ORC5: variants seen among roughly 807,000 people sequenced by gnomAD.
ORC5 encodes protein phosphatase 1, regulatory subunit 117.
In ORC5, 39 loss-of-function variants were observed where a neutral mutation model predicts 58.8. That is an observed-to-expected ratio of 0.66 (90% confidence interval 0.51 to 0.87). The LOEUF (loss-of-function observed/expected upper bound fraction) is 0.87, where lower values mean the gene tolerates loss of function less well. Among genes scored for constraint, ORC5 ranks in the 40% least tolerant of loss-of-function variants. The pLI is 0.00. For synonymous variants in ORC5, 218 were observed against 177.6 expected, an observed-to-expected ratio of 1.23 and a Z score of -1.81; for missense variants, 493 against 506.3, an observed-to-expected ratio of 0.97 and a Z score of 0.25.
chr7:104,165,946 A>C (rs1799099802), intron 10 of ORC5, among the ~76,000 whole-genome samples: 1 of 152,130 alleles, frequency 6.6e-6, no homozygotes, highest in African/African-American at 2.4e-5. Flanking sequence ...CACACCTGTA[A>C]TCCCAGCTAC....
intron 11 of ORC5, among the ~76,000 whole-genome samples, chr7:104,162,921 C>T (rs1195536776): frequency 1.3e-5 from 2 of 152,162 alleles, no homozygotes; most frequent in African/African-American, 2.4e-5. Context: ...GCATTGTTTG[C>T]ATGGTTTAAA....
chr7:104,168,425 T>C (rs1799144008), intron 9 of ORC5, 48 bp downstream of exon 9: 2 of 1,594,722 alleles, frequency 1.3e-6, no homozygotes, highest in East Asian at 2.3e-5. Flanking sequence ...TCTTGATAAT[T>C]AGCTGAAGAA....
At chr7:104,205,790 G>A (rs939415927) in intron 1 of ORC5, among the ~76,000 whole-genome samples, 14 of 152,208 alleles carry the variant, frequency 9.2e-5, no homozygotes, top group African/African-American at 2.9e-4. Flanking sequence ...GCCAAGGCAG[G>A]CAGATCACTT....
At chr7:104,183,583 C>T (rs1321496469) in intron 8 of ORC5, among the ~76,000 whole-genome samples, 1 of 152,162 alleles carries the variant, frequency 6.6e-6, no homozygotes, top group Non-Finnish European at 1.5e-5. Flanking sequence ...CAGGAAAAAA[C>T]ATAACCTTGT....
chr7:104,134,098 G>A (rs117252459), intron 13 of ORC5, among the ~76,000 whole-genome samples: 4 of 152,194 alleles, frequency 2.6e-5, no homozygotes, highest in East Asian at 3.9e-4. Context: ...GAACTCAGGC[G>A]TTAGAATGTG....
chr7:104,184,625 C>T (rs559827174), intron 6 of ORC5, among the ~76,000 whole-genome samples: 10 of 152,220 alleles, frequency 6.6e-5, no homozygotes, highest in Admixed American at 1.3e-4. Context: ...CAAAAATATA[C>T]TTCTTTGGTA....
rs1359749216 is a variant in ORC5 at position 104,178,489 on chromosome 7, A to T, written c.824+5454T>A. ...TTTGCCAGATGGGTAGCTTGCAAAA[A>T]TTTTCTCCCATTCCATAGGTTGCTT... On this transcript the variant is annotated intron_variant, in intron 8 of 13. Transcript: ENST00000297431. Among the ~76,000 whole-genome samples the T allele has an allele frequency of 2.0e-5, 3 of 151,622 alleles. No homozygotes were observed. The East Asian group carries it at 5.9e-4, about 30-fold the overall frequency.
intron 8 of ORC5, among the ~76,000 whole-genome samples, chr7:104,175,403 T>C (rs948328897): frequency 1.4e-4 from 21 of 152,230 alleles, no homozygotes; most frequent in African/African-American, 4.6e-4. Context: ...CTTGCTGCTA[T>C]GGCATTCCAG....
intron 12 of ORC5, among the ~76,000 whole-genome samples, chr7:104,139,691 A>G (rs1403747691): frequency 2.6e-5 from 4 of 152,084 alleles, no homozygotes; most frequent in Non-Finnish European, 1.5e-5. Flanking sequence ...TTCAGTATCA[A>G]TAATTAGGTT....
chr7:104,202,086 T>A (rs192305239), intron 2 of ORC5, among the ~76,000 whole-genome samples: 93 of 143,116 alleles, frequency 6.5e-4, no homozygotes, highest in Non-Finnish European at 1.1e-3. Flanking sequence ...CAAGACCCCA[T>A]TTAAAAACAA....
chr7:104,129,402 C>A lies in ORC5; in HGVS notation c.1263-2509G>T, dbSNP rs562615549. On this transcript the variant is annotated intron_variant, in intron 13 of 13. Coordinates refer to ENST00000297431, the MANE Select transcript of ORC5 (RefSeq NM_002553.4). The surrounding 1 kb of genome is among the most constrained non-coding windows in gnomAD (Gnocchi z 4.9). The stretch of plus-strand genomic sequence containing the variant: ...GTAAGAGTTTTAGATTAAAAAAAAT[C>A]GATCAGGAATTGAATATAAAATCAT... Among the ~76,000 whole-genome samples, 1 of 152,002 alleles carries A rather than the reference C, an allele frequency of 6.6e-6. No individual in the cohort carries two copies. The highest frequency in any genetic ancestry group is 1.5e-5 in the Non-Finnish European group (1 of 67,984).
intron 8 of ORC5, among the ~76,000 whole-genome samples, chr7:104,174,232 T>A (rs950996765): frequency 2.6e-5 from 4 of 152,208 alleles, no homozygotes; most frequent in Non-Finnish European, 4.4e-5. Context: ...CCCTCGCTTA[T>A]TTCTAAGAAT....
chr7:104,185,921 C>T (rs562864199), intron 6 of ORC5, among the ~76,000 whole-genome samples: 17 of 151,640 alleles, frequency 1.1e-4, no homozygotes, highest in Non-Finnish European at 2.4e-4. Context: ...AAACTAAGAA[C>T]CAAATCATTA....
Position 104,208,004 on chromosome 7 carries a change from A to C in ORC5, c.-100T>G, listed in dbSNP as rs1423322424. On this transcript the variant is annotated 5_prime_UTR_variant, in exon 1 of 14. Coordinates refer to ENST00000297431, the MANE Select transcript of ORC5 (RefSeq NM_002553.4). ...TCTGGCGGCCCACGCTCCCGCCGGAAACCGGACCCGCAGCGTCGTGGGAGG... is the reference window on the plus strand; with the variant it reads ...TCTGGCGGCCCACGCTCCCGCCGGACACCGGACCCGCAGCGTCGTGGGAGG... 2.5e-5 allele frequency: 29 copies of C among 1,157,100 alleles called. No homozygotes were observed. Among genetic ancestry groups the C allele is most frequent in the Non-Finnish European group, 3.4e-5 (27 of 783,064 alleles). 71.7% of individuals were successfully genotyped at this position (1,157,100 alleles called of 1,614,324 possible). A position where few individuals can be genotyped will look rare whatever the true frequency, so the allele number is the denominator to read the frequency against.
Position 104,166,855 on chromosome 7 carries a change from GA to G in ORC5, c.906del (p.Pro303HisfsTer8). 1 of 1,610,248 alleles carries G rather than the reference GA, an allele frequency of 6.2e-7. No homozygotes were observed. The highest frequency in any genetic ancestry group is 8.5e-7 in the Non-Finnish European group (1 of 1,176,736). On this transcript the variant is annotated frameshift_variant, in exon 10 of 14. Transcript: ENST00000297431. LOFTEE classifies it high-confidence loss of function. ...ATTAGAATGAACTTAGAGTAATATGGAAGTTCCACATGAGTATGCGCTGAGA... is the reference window on the plus strand; with the variant it reads ...ATTAGAATGAACTTAGAGTAATATGGAGTTCCACATGAGTATGCGCTGAGA... ...KGLSAHTHVE[L>X]PYYSKFILIA...
chr7:104,136,995 CAA>C lies in ORC5; in HGVS notation c.1150-104_1150-103del, dbSNP rs1213196561. 1 of 721,592 alleles carries C rather than the reference CAA, an allele frequency of 1.4e-6. No individual in the cohort carries two copies. Among genetic ancestry groups the C allele is most frequent in the East Asian group, 2.8e-5 (1 of 36,000 alleles). 44.7% of individuals were successfully genotyped at this position (721,592 alleles called of 1,614,324 possible). A position where few individuals can be genotyped will look rare whatever the true frequency, so the allele number is the denominator to read the frequency against. On this transcript the variant is annotated intron_variant, in intron 12 of 13. Coordinates refer to ENST00000297431, the MANE Select transcript of ORC5 (RefSeq NM_002553.4). This position sits in a 1 kb window ranked among gnomAD's most constrained non-coding sequence, Gnocchi z 4.2. ...CTGATAAAGATACATAACTGAATCACAAAAAACGTCTGCAAAGAAAATGACTA... is the reference window on the plus strand; with the variant it reads ...CTGATAAAGATACATAACTGAATCACAAAACGTCTGCAAAGAAAATGACTA...
At chr7:104,187,990 G>A in intron 6 of ORC5, 2 of 1,064,976 alleles carry the variant, frequency 1.9e-6, no homozygotes, top group Non-Finnish European at 2.3e-6. Context: ...AAAAAACAAG[G>A]AAGAGTAAGA....
intron 8 of ORC5, among the ~76,000 whole-genome samples, chr7:104,173,066 G>A (rs1407552488): frequency 6.6e-6 from 1 of 150,966 alleles, no homozygotes; most frequent in Admixed American, 6.6e-5. Flanking sequence ...TAGAGCCAGG[G>A]AGGGCCACGA....
chr7:104,163,619 T>C (rs762781575), intron 11 of ORC5, among the ~76,000 whole-genome samples: 28 of 152,178 alleles, frequency 1.8e-4, no homozygotes, highest in Non-Finnish European at 3.8e-4. Flanking sequence ...CCCAGGCAGC[T>C]GGGACTACAG....
Sources: allele counts gnomAD v4.1 joint callset (sites outside exome capture counted in the v4.1 genomes callset), GRCh38; gene constraint gnomAD v4.1.1; non-coding constraint Gnocchi (gnomAD v3.1); transcripts MANE v1.5; gene names NCBI Gene and HGNC (gene_info 2026-07-23, HGNC 2026-07-21).